Variants in SET observed in about 807,000 individuals in gnomAD.
SET encodes the protein SET nuclear proto-oncogene.
Under a neutral mutation model 39.0 loss-of-function variants are expected in SET, and 4 were observed. The ratio of observed to expected loss-of-function variants is 0.10; its 90% CI spans 0.05 to 0.23. The LOEUF is 0.23. Ranked by LOEUF, SET falls within the 10% of genes least tolerant of loss-of-function variation. The pLI is 1.00. For synonymous variants in SET, 114 were observed against 115.9 expected (o/e 0.98, Z 0.11); for missense variants, 137 against 329.7 (o/e 0.42, Z 4.53).
Position 128,694,757 on chromosome 9 carries a change from T to TC in SET, c.*93_*94insC, listed in dbSNP as rs1861670540. On this transcript the variant is annotated 3_prime_UTR_variant, in exon 8 of 8. Transcript: ENST00000322030. The stretch of plus-strand genomic sequence containing the variant: ...GTCTTTTTTTTTTTTTTTTTTTTTT[T>TC]TCCCTCTTGTGCTCAGTCGCCCTGT... 1 of 644,398 alleles carries TC rather than the reference T, an allele frequency of 1.6e-6. No homozygotes were observed. The highest frequency in any genetic ancestry group is 2.6e-6 in the Non-Finnish European group (1 of 390,386). The allele number at this position is 644,398 out of a possible 1,614,324, so 39.9% of individuals were successfully genotyped here.
chr9:128,687,646 T>C (rs1017998348), upstream of SET, among the ~76,000 whole-genome samples: 4 of 142,260 alleles, frequency 2.8e-5, no homozygotes, highest in African/African-American at 7.9e-5. Flanking sequence ...AAAGAGCCAA[T>C]GGTAAAGTGT....
In SET at chr9:128,690,872, T is replaced by C. The variant is rs1218670024; in HGVS notation, c.74-298T>C. 1.4e-5 allele frequency: 6 copies of C among 416,706 alleles called. 1 individual carries two copies. Among genetic ancestry groups the C allele is most frequent in the African/African-American group, 6.1e-5 (3 of 49,568 alleles). 25.8% of individuals were successfully genotyped at this position (416,706 alleles called of 1,614,324 possible). On this transcript the variant is annotated intron_variant, in intron 1 of 7. Coordinates refer to ENST00000322030, the MANE Select transcript of SET (RefSeq NM_003011.4). ...TAAACGTGAAGACTTCTGAATAAGG[T>C]TATTCTGTGTCTTTCATAGTAGAAA...
chr9:128,696,211 A>G lies in SET; in HGVS notation c.*1547A>G, dbSNP rs920063173. On this transcript the variant is annotated 3_prime_UTR_variant, in exon 8 of 8. Transcript: ENST00000322030. ...AGGTGAATTAATGGACAGTCTGGTG[A>G]ACTTCAAAAGCTTTTTGATGTATAA... 1 of 207,568 alleles carries G rather than the reference A, an allele frequency of 4.8e-6. No individual in the cohort carries two copies. Among genetic ancestry groups the G allele is most frequent in the Non-Finnish European group, 9.9e-6 (1 of 100,524 alleles). 12.9% of individuals were successfully genotyped at this position (207,568 alleles called of 1,614,324 possible).
At chr9:128,687,635 AAAAG>A (rs1188110789), upstream of SET, among the ~76,000 whole-genome samples, 13 of 151,886 alleles carry the variant, frequency 8.6e-5, no homozygotes, top group African/African-American at 3.1e-4. Context: ...AAAAAAAAAA[AAAAG>A]AGCCAATGGT....
At position 128,689,322 on chromosome 9, in the gene SET, G is replaced by GCCGCCGCCT. The variant is rs1861407920; in HGVS notation, c.-255_-247dup. Reference sequence around the variant, plus strand: ...GAGTGAGGGAGCCGAGCCGCCCGCCGCCGCCGCCTCCGCCTCCCCTCCGCG... The same window carrying GCCGCCGCCT: ...GAGTGAGGGAGCCGAGCCGCCCGCCGCCGCCGCCTCCGCCGCCTCCGCCTCCCCTCCGCG... On this transcript the variant is annotated 5_prime_UTR_variant, in exon 1 of 8. Coordinates refer to ENST00000322030, the MANE Select transcript of SET (RefSeq NM_003011.4). The GCCGCCGCCT allele has an allele frequency of 1.9e-6, 2 of 1,031,598 alleles. No individual in the cohort carries two copies. The highest frequency in any genetic ancestry group is 4.5e-4 in the Middle Eastern group (1 of 2,226). 63.9% of individuals were successfully genotyped at this position (1,031,598 alleles called of 1,614,324 possible). A position where few individuals can be genotyped will look rare whatever the true frequency, so the allele number is the denominator to read the frequency against.
At chr9:128,683,856 G>A (rs776499093) in exon 1 of SET, 15 of 1,509,606 alleles carry the variant, frequency 9.9e-6, no homozygotes, top group Admixed American at 8.2e-5. Flanking sequence ...CCGGACGGGC[G>A]AGGAGACTCG....
intron 3 of SET, chr9:128,692,424 C>G: frequency 6.3e-6 from 1 of 158,206 alleles, no homozygotes; most frequent in Admixed American, 7.8e-5. Context: ...AAAAAAAAAC[C>G]TCAAAGACGG....
chr9:128,693,960 A>C lies in SET; in HGVS notation c.728A>C (p.Glu243Ala). Residue 243 changes from glutamate (E) to alanine (A), a missense_variant, in exon 7 of 8, where the codon GAA becomes GCA. By Grantham distance (107) the Glu-to-Ala change is moderately radical. This residue lies in a region of SET where 44 missense variants were observed against 63.0 expected (regional missense o/e 0.70). Transcript: ENST00000322030. ...GATGATGATGATGATGAAGAGGAGG[A>C]AGGATTAGAAGATATTGACGAAGAA... ...EEDDDDDEEE[E>A]GLEDIDEEGD... 2 of 1,547,024 alleles carry C rather than the reference A, an allele frequency of 1.3e-6. No homozygotes were observed. The highest frequency in any genetic ancestry group is 1.8e-6 in the Non-Finnish European group (2 of 1,120,014).
chr9:128,686,029 CAAA>C (rs563113705), upstream of SET, among the ~76,000 whole-genome samples: 1 of 139,996 alleles, frequency 7.1e-6, no homozygotes, highest in African/African-American at 2.6e-5. Context: ...ACAACAACAA[CAAA>C]AAAAAAAACA....
In SET at chr9:128,689,303, G is replaced by C; in HGVS notation, c.-280G>C. 2.0e-6 allele frequency: 2 copies of C among 1,024,408 alleles called. No individual in the cohort carries two copies. Among genetic ancestry groups the C allele is most frequent in the Non-Finnish European group, 2.3e-6 (2 of 854,668 alleles). The allele number at this position is 1,024,408 out of a possible 1,614,324, so 63.5% of individuals were successfully genotyped here. A position where few individuals can be genotyped will look rare whatever the true frequency, so the allele number is the denominator to read the frequency against. ...TGGCTGGATCGCCGAGCGCGAGTGA[G>C]GGAGCCGAGCCGCCCGCCGCCGCCG... On this transcript the variant is annotated 5_prime_UTR_variant, in exon 1 of 8. Coordinates refer to ENST00000322030, the MANE Select transcript of SET (RefSeq NM_003011.4).
chr9:128,689,157 C>G (rs1861394694), upstream of SET: 8 of 572,284 alleles, frequency 1.4e-5, no homozygotes, highest in Admixed American at 6.4e-5. Context: ...CGCCGCGGCG[C>G]GAGCCTCCCC....
chr9:128,686,534 G>T (rs1861290174), upstream of SET, among the ~76,000 whole-genome samples: 1 of 152,178 alleles, frequency 6.6e-6, no homozygotes, highest in South Asian at 2.1e-4. Context: ...ACTCAGCCCA[G>T]GAGCGGGTCG....
upstream of SET, chr9:128,685,350 A>C (rs1389362861): frequency 1.4e-6 from 1 of 717,442 alleles, no homozygotes; most frequent in Non-Finnish European, 2.4e-6. Context: ...AGTGCTCTAG[A>C]GTGCATTTGT....
In SET at chr9:128,694,373, C is replaced by T. The variant is rs1032488506; in HGVS notation, c.811-268C>T. 5.3e-5 allele frequency among the ~76,000 whole-genome samples: 8 copies of T among 152,002 alleles called. No homozygotes were observed. In the South Asian group the frequency reaches 8.3e-4, roughly 16 times the overall value. ...GAAATAACAAAGTTTCATGTATTTT[C>T]GACAAACTGCACAATTTCTGAATAG... On this transcript the variant is annotated intron_variant, in intron 7 of 7. Transcript: ENST00000322030.
At position 128,689,673 on chromosome 9, in the gene SET, G is replaced by A. The variant is rs552989925; in HGVS notation, c.73+18G>A. Reference sequence around the variant, plus strand: ...GACCTCAGGTGAGAGCAGCGAGCCCGGGGGCCGGCCCGCGCCGCCATCTTC... The same window carrying A: ...GACCTCAGGTGAGAGCAGCGAGCCCAGGGGCCGGCCCGCGCCGCCATCTTC... On this transcript the variant is annotated intron_variant, in intron 1 of 7. Transcript: ENST00000322030. 2 of 977,112 alleles carry A rather than the reference G, an allele frequency of 2.0e-6. No individual in the cohort carries two copies. Among genetic ancestry groups the A allele is most frequent in the South Asian group, 3.2e-5 (1 of 30,896 alleles). The allele number at this position is 977,112 out of a possible 1,614,324, so 60.5% of individuals were successfully genotyped here. A position where few individuals can be genotyped will look rare whatever the true frequency, so the allele number is the denominator to read the frequency against.
At chr9:128,687,540 G>A (rs1286845420), upstream of SET, among the ~76,000 whole-genome samples, 2 of 151,018 alleles carry the variant, frequency 1.3e-5, no homozygotes, top group Middle Eastern at 3.4e-3. Context: ...CCCGGGAGGC[G>A]GAGGTTGCAG....
At chr9:128,688,392 C>T (rs1327604768), upstream of SET, among the ~76,000 whole-genome samples, 1 of 152,104 alleles carries the variant, frequency 6.6e-6, no homozygotes, top group East Asian at 1.9e-4. Flanking sequence ...CTTGTTGGCC[C>T]CTTTCATCTC....
At chr9:128,687,616 CCAA>C (rs890904873), upstream of SET, among the ~76,000 whole-genome samples, 2 of 22,782 alleles carry the variant, frequency 8.8e-5, no homozygotes, top group Admixed American at 5.2e-4. Flanking sequence ...CCCTCCCCCA[CCAA>C]AAAAAAAAAA....
chr9:128,692,059 C>G, intron 3 of SET, 59 bp downstream of exon 3: 3 of 1,583,792 alleles, frequency 1.9e-6, no homozygotes, highest in Non-Finnish European at 2.6e-6. Context: ...ATGGAGGAAG[C>G]TTGGTGAAGA....
Sources: gnomAD v4.1 joint callset for allele counts (sites outside exome capture counted in the v4.1 genomes callset) on GRCh38, gnomAD v4.1.1 for gene constraint, gnomAD v4.1.1 regional missense constraint, MANE v1.5 for transcripts, NCBI Gene and HGNC (gene_info 2026-07-23, HGNC 2026-07-21) for gene names.